The following SYNPR variants were observed in gnomAD, a reference collection of about 807,000 sequenced individuals.
The protein encoded by SYNPR is synaptoporin.
In SYNPR, 23 loss-of-function variants were observed where a neutral mutation model predicts 32.9. The observed-to-expected ratio is 0.70, with a 90% CI of 0.50 to 0.99. SYNPR has a LOEUF of 0.99. SYNPR is among the 50% of genes least tolerant of loss of function. The probability of loss-of-function intolerance (pLI) is 0.00; values close to 1 mark genes in which losing one functional copy is unlikely to be tolerated. For missense variants in SYNPR, 318 were observed against 349.3 expected, an observed-to-expected ratio of 0.91 and a Z score of 0.71; for synonymous variants, 146 against 135.9, an observed-to-expected ratio of 1.07 and a Z score of -0.52.
chr3:63,548,701 C>A (rs368948530), intron 3 of SYNPR, among the ~76,000 whole-genome samples: 1 of 152,090 alleles, frequency 6.6e-6, no homozygotes. Flanking sequence ...AAAGAGAAAA[C>A]GTACTCAGCA....
intron 4 of SYNPR, among the ~76,000 whole-genome samples, chr3:63,606,001 C>T (rs539390568): frequency 3.9e-5 from 6 of 152,322 alleles, no homozygotes; most frequent in Admixed American, 3.9e-4. Flanking sequence ...ATTTGTCACT[C>T]ACTATTTACC....
At chr3:63,583,144 T>C (rs1559542748) in intron 4 of SYNPR, among the ~76,000 whole-genome samples, 3 of 152,002 alleles carry the variant, frequency 2.0e-5, no homozygotes, top group South Asian at 4.2e-4. Flanking sequence ...ATAAGACTCA[T>C]TGTCCAGAAG....
intron 2 of SYNPR, among the ~76,000 whole-genome samples, chr3:63,466,225 G>A (rs1017869854): frequency 2.2e-4 from 33 of 150,044 alleles, no homozygotes; most frequent in African/African-American, 8.1e-4. Context: ...TAATCTAGAC[G>A]TTCCTCTCTC....
At chr3:63,566,690 T>C (rs1331610624) in intron 4 of SYNPR, among the ~76,000 whole-genome samples, 2 of 152,190 alleles carry the variant, frequency 1.3e-5, no homozygotes, top group Non-Finnish European at 2.9e-5. Flanking sequence ...ACCATCTGTA[T>C]GACTTTGGAC....
chr3:63,360,004 A>G (rs1244219568), intron 2 of SYNPR, among the ~76,000 whole-genome samples: 1 of 152,198 alleles, frequency 6.6e-6, no homozygotes, highest in Non-Finnish European at 1.5e-5. Context: ...GTCTCATCTG[A>G]TTCTCAAACA....
intron 2 of SYNPR, among the ~76,000 whole-genome samples, chr3:63,429,350 C>T (rs960433416): frequency 1.3e-5 from 2 of 152,136 alleles, no homozygotes; most frequent in African/African-American, 2.4e-5. Flanking sequence ...AATAGGTCTC[C>T]AAAATATATC....
At chr3:63,525,421 A>C (rs576666925) in intron 3 of SYNPR, among the ~76,000 whole-genome samples, 1 of 152,246 alleles carries the variant, frequency 6.6e-6, no homozygotes, top group Admixed American at 6.5e-5. Context: ...AATGCTCCCC[A>C]GGAACTTCTA....
At chr3:63,507,546 G>C (rs961720950) in intron 3 of SYNPR, among the ~76,000 whole-genome samples, 2 of 152,162 alleles carry the variant, frequency 1.3e-5, no homozygotes, top group African/African-American at 4.8e-5. Context: ...GTCACAGATT[G>C]ATGGAAACTA....
At chr3:63,292,595 T>C (rs898849963) in intron 2 of SYNPR, among the ~76,000 whole-genome samples, 5 of 152,338 alleles carry the variant, frequency 3.3e-5, no homozygotes, top group African/African-American at 1.2e-4. Flanking sequence ...GAAATAATGA[T>C]AACTAGCAGG....
At chr3:63,316,425 CT>C (rs1478402787) in intron 2 of SYNPR, among the ~76,000 whole-genome samples, 5 of 151,868 alleles carry the variant, frequency 3.3e-5, no homozygotes, top group African/African-American at 1.2e-4. Flanking sequence ...TGTTATTTGT[CT>C]GTTCAGGATA....
At chr3:63,420,161 A>C (rs1427852004) in intron 2 of SYNPR, among the ~76,000 whole-genome samples, 1 of 152,218 alleles carries the variant, frequency 6.6e-6, no homozygotes, top group African/African-American at 2.4e-5. Flanking sequence ...TAGTCTATAA[A>C]TTCAATGACA....
intron 2 of SYNPR, among the ~76,000 whole-genome samples, chr3:63,441,372 G>C (rs1013496464): frequency 1.3e-5 from 2 of 152,136 alleles, no homozygotes; most frequent in African/African-American, 4.8e-5. Context: ...ACTGGGCTCC[G>C]TGAAGAAACA....
intron 3 of SYNPR, among the ~76,000 whole-genome samples, chr3:63,507,101 C>T (rs377044439): frequency 2.0e-5 from 3 of 151,510 alleles, no homozygotes; most frequent in South Asian, 2.1e-4. Context: ...CAGCCGACAT[C>T]GCACCATGGC....
chr3:63,381,033 G>T (rs983588704), intron 2 of SYNPR, among the ~76,000 whole-genome samples: 1 of 152,158 alleles, frequency 6.6e-6, no homozygotes, highest in Admixed American at 6.5e-5. Flanking sequence ...ATTCAACATA[G>T]TGTTGGAAGT....
At chr3:63,431,347 G>A (rs895630957) in intron 2 of SYNPR, among the ~76,000 whole-genome samples, 1 of 152,172 alleles carries the variant, frequency 6.6e-6, no homozygotes, top group Non-Finnish European at 1.5e-5. Flanking sequence ...CGCAGGGTTT[G>A]AAGTTAAATC....
upstream of SYNPR, among the ~76,000 whole-genome samples, chr3:63,277,312 C>G (rs564632441): frequency 7.0e-4 from 106 of 152,164 alleles, no homozygotes; most frequent in African/African-American, 2.4e-3. Context: ...GCCCTTAGCA[C>G]AGTTTTCAGC....
At chr3:63,405,263 AAT>A (rs1190541604) in intron 2 of SYNPR, among the ~76,000 whole-genome samples, 1 of 152,174 alleles carries the variant, frequency 6.6e-6, no homozygotes, top group Non-Finnish European at 1.5e-5. Context: ...TAAACCATGC[AAT>A]GAGTGGTCTA....
intron 2 of SYNPR, among the ~76,000 whole-genome samples, chr3:63,254,120 A>C (rs1233342112): frequency 6.6e-6 from 1 of 152,168 alleles, no homozygotes; most frequent in Non-Finnish European, 1.5e-5. Flanking sequence ...TTGAACAATG[A>C]GAACACATGG....
chr3:63,203,956 G>A, the SYNPR span, among the ~76,000 whole-genome samples: 10 of 152,104 alleles, frequency 6.6e-5, no homozygotes, highest in East Asian at 3.9e-4. Flanking sequence ...CCAAGATGGC[G>A]CCATGGCATT....
Sources: gnomAD v4.1 joint callset for allele counts (sites outside exome capture counted in the v4.1 genomes callset) on GRCh38, gnomAD v4.1.1 for gene constraint, MANE v1.5 for transcripts, NCBI Gene and HGNC (gene_info 2026-07-23, HGNC 2026-07-21) for gene names.